The following NOX4 variants were observed in gnomAD, a reference collection of about 807,000 sequenced individuals.
NOX4 encodes kidney oxidase-1.
NOX4 carries 69 observed loss-of-function variants against 87.6 expected under a neutral mutation model. The observed-to-expected ratio is 0.79, with a 90% confidence interval of 0.65 to 0.96. The LOEUF is 0.96. Among genes scored for constraint, NOX4 ranks in the 40% least tolerant of loss-of-function variants. The pLI, the probability that NOX4 is intolerant of heterozygous loss-of-function variation, is 0.00. For synonymous variants in NOX4, 275 were observed against 238.2 expected (o/e 1.15, Z -1.42); for missense variants, 680 against 681.5 (o/e 1.00, Z 0.02).
At chr11:89,509,817 T>C in the NOX4 span, among the ~76,000 whole-genome samples, 1 of 151,972 alleles carries the variant, frequency 6.6e-6, no homozygotes, top group Non-Finnish European at 1.5e-5. Flanking sequence ...GATGTGTCCG[T>C]GTCCACTGAT....
chr11:89,353,344 C>T (rs1218344414), intron 13 of NOX4, among the ~76,000 whole-genome samples: 1 of 152,112 alleles, frequency 6.6e-6, no homozygotes, highest in Admixed American at 6.6e-5. Flanking sequence ...GCCGCAGGTG[C>T]CCCTACCTTT....
intron 12 of NOX4, among the ~76,000 whole-genome samples, chr11:89,367,140 G>C (rs1379817172): frequency 6.6e-6 from 1 of 152,042 alleles, no homozygotes; most frequent in Non-Finnish European, 1.5e-5. Flanking sequence ...TTTCCACATA[G>C]ACTCACAAGA....
At chr11:89,493,556 G>T (rs888708714), upstream of NOX4, among the ~76,000 whole-genome samples, 18 of 151,826 alleles carry the variant, frequency 1.2e-4, no homozygotes, top group African/African-American at 4.1e-4. Context: ...ATTACTTATG[G>T]CTATTATTTC....
At chr11:89,498,828 G>T (rs1294095266), upstream of NOX4, 1 of 152,334 alleles carries the variant, frequency 6.6e-6, no homozygotes, top group South Asian at 2.1e-4. Flanking sequence ...AGGTTAACTA[G>T]ATAGGTCTTC....
chr11:89,491,763 CACAA>C (rs773451479), upstream of NOX4, among the ~76,000 whole-genome samples: 958 of 123,598 alleles, frequency 7.8e-3, 16 homozygotes, highest in African/African-American at 0.017. Context: ...CACACACACA[CACAA>C]GAAGACACAG....
At chr11:89,352,318 A>G (rs1158856216) in intron 13 of NOX4, among the ~76,000 whole-genome samples, 10 of 152,162 alleles carry the variant, frequency 6.6e-5, no homozygotes, top group Admixed American at 2.0e-4. Flanking sequence ...ACCAACAGCT[A>G]TGATGTAGAT....
intron 11 of NOX4, among the ~76,000 whole-genome samples, chr11:89,380,582 T>A (rs555090255): frequency 2.6e-5 from 4 of 152,104 alleles, no homozygotes; most frequent in Non-Finnish European, 5.9e-5. Flanking sequence ...AAAATAAGGA[T>A]TGAATAAATT....
chr11:89,421,565 C>T (rs1458804339), intron 8 of NOX4, among the ~76,000 whole-genome samples: 1 of 152,060 alleles, frequency 6.6e-6, no homozygotes, highest in Non-Finnish European at 1.5e-5. Context: ...TCAGGAAATA[C>T]AAATACTAAA....
Position 89,366,914 on chromosome 11 carries a change from A to T in NOX4, c.1135+6518T>A, listed in dbSNP as rs1023233272. ...ACAGCATATATTTAACGTTCATAAA[A>T]TGAGAAACCAAGGGAAAAACAATTT... On this transcript the variant is annotated intron_variant, in intron 12 of 17. Transcript: ENST00000263317. 1.2e-4 allele frequency among the ~76,000 whole-genome samples: 19 copies of T among 152,218 alleles called. No homozygotes were observed. The East Asian group carries it at 2.7e-3, about 22-fold the overall frequency.
intron 4 of NOX4, among the ~76,000 whole-genome samples, chr11:89,448,187 A>AAGTCCTGCTGTCAATCCATTTCAC (rs1944790253): frequency 6.6e-6 from 1 of 152,140 alleles, no homozygotes; most frequent in African/African-American, 2.4e-5. Flanking sequence ...TCTATGAGGT[A>AAGTCCTGCTGTCAATCCATTTCAC]AGTCCTGCTG....
intron 2 of NOX4, among the ~76,000 whole-genome samples, chr11:89,479,107 T>C (rs1327044996): frequency 1.3e-5 from 2 of 152,212 alleles, no homozygotes; most frequent in African/African-American, 4.8e-5. Context: ...GGTGGTTATT[T>C]TCTTGTTCTA....
the NOX4 span, among the ~76,000 whole-genome samples, chr11:89,509,733 T>C: frequency 9.9e-5 from 15 of 151,884 alleles, no homozygotes; most frequent in Admixed American, 8.5e-4. Flanking sequence ...AAGTAAACCA[T>C]TTAGATTTAG....
intron 7 of NOX4, among the ~76,000 whole-genome samples, chr11:89,424,536 A>T (rs1347288415): frequency 1.3e-5 from 2 of 151,710 alleles, no homozygotes; most frequent in African/African-American, 4.8e-5. Flanking sequence ...TTAGGAATAC[A>T]TCTAGTGTTT....
At chr11:89,560,600 G>C in the NOX4 span, among the ~76,000 whole-genome samples, 1 of 152,038 alleles carries the variant, frequency 6.6e-6, no homozygotes, top group African/African-American at 2.4e-5. Flanking sequence ...AATGGGGAAA[G>C]ATCTGCCCTC....
In NOX4 at chr11:89,325,083, C is replaced by CA. The variant is rs1945167868; in HGVS notation, c.*1672dup. The CA allele has an allele frequency of 7.1e-6, 1 of 139,956 alleles. No homozygotes were observed. Among genetic ancestry groups the CA allele is most frequent in the Non-Finnish European group, 1.5e-5 (1 of 65,538 alleles). 8.7% of individuals were successfully genotyped at this position (139,956 alleles called of 1,614,324 possible). A position where few individuals can be genotyped will look rare whatever the true frequency, so the allele number is the denominator to read the frequency against. ...TAGCAATTGATAGCCGACTACTAAA[C>CA]AAAATCACTAAACTGTATGAATGCT... On this transcript the variant is annotated 3_prime_UTR_variant, in exon 18 of 18. Transcript: ENST00000263317.
At chr11:89,479,956 T>C (rs530398705) in intron 2 of NOX4, among the ~76,000 whole-genome samples, 2 of 152,224 alleles carry the variant, frequency 1.3e-5, no homozygotes, top group South Asian at 4.1e-4. Flanking sequence ...GATCCCCACA[T>C]ATAACAAAAT....
At chr11:89,533,745 A>G in the NOX4 span, 1 of 152,186 alleles carries the variant, frequency 6.6e-6, no homozygotes, top group African/African-American at 2.4e-5. Flanking sequence ...TCTGCAGTAG[A>G]CTCAGGAACA....
At chr11:89,358,070 G>A (rs1372663259) in intron 12 of NOX4, among the ~76,000 whole-genome samples, 1 of 151,936 alleles carries the variant, frequency 6.6e-6, no homozygotes, top group Non-Finnish European at 1.5e-5. Context: ...CAAACATCTT[G>A]AATAGCTATC....
chr11:89,406,518 A>G (rs1187609786), intron 8 of NOX4, among the ~76,000 whole-genome samples: 1 of 152,102 alleles, frequency 6.6e-6, no homozygotes, highest in Non-Finnish European at 1.5e-5. Flanking sequence ...CCTCATTTAG[A>G]CATATTATTT....
Sources: gnomAD v4.1 joint callset for allele counts (sites outside exome capture counted in the v4.1 genomes callset) on GRCh38, gnomAD v4.1.1 for gene constraint, MANE v1.5 for transcripts, NCBI Gene and HGNC (gene_info 2026-07-23, HGNC 2026-07-21) for gene names.